The following ARPP21 variants were observed in gnomAD, a reference collection of about 807,000 sequenced individuals.
ARPP21 encodes the protein cAMP regulated phosphoprotein 21, also known as cAMP-regulated phosphoprotein 21.
Under a neutral mutation model 113.2 loss-of-function variants are expected in ARPP21, and 69 were observed. That is an observed-to-expected ratio of 0.61 (90% confidence interval 0.50 to 0.74). ARPP21 has a LOEUF of 0.74. ARPP21 is among the 30% of genes least tolerant of loss of function. ARPP21 has a pLI of 0.00. For missense variants in ARPP21, 1,070 were observed against 1,037.4 expected (o/e 1.03, Z -0.43); for synonymous variants, 368 against 375.5 (o/e 0.98, Z 0.23).
chr3:35,767,134 G>A (rs2096009307), intron 19 of ARPP21, among the ~76,000 whole-genome samples: 1 of 152,056 alleles, frequency 6.6e-6, no homozygotes, highest in African/African-American at 2.4e-5. Context: ...TTAACATATT[G>A]TCCACCTCTA....
intron 9 of ARPP21, among the ~76,000 whole-genome samples, chr3:35,705,676 G>T (rs2088639847): frequency 6.6e-6 from 1 of 151,970 alleles, no homozygotes; most frequent in African/African-American, 2.4e-5. Context: ...AAGCATGGAG[G>T]GATGGTTTCC....
intron 19 of ARPP21, among the ~76,000 whole-genome samples, chr3:35,782,785 G>A (rs1353098489): frequency 1.3e-5 from 2 of 152,064 alleles, no homozygotes; most frequent in Non-Finnish European, 2.9e-5. Flanking sequence ...TGTTAAAACA[G>A]CAAGAAAAAC....
In ARPP21 at chr3:35,771,484, A is replaced by C. The variant is rs183309807; in HGVS notation, c.2138-20898A>C. Among the ~76,000 whole-genome samples the C allele has an allele frequency of 3.3e-5, 5 of 152,104 alleles. No individual in the cohort carries two copies. In the East Asian group the frequency reaches 9.7e-4, roughly 29 times the overall value. On this transcript the variant is annotated intron_variant, in intron 19 of 20. Coordinates refer to ENST00000684406, the MANE Select transcript of ARPP21 (RefSeq NM_001385562.1). ...GCTGGGACTACAGGCGCCCATCATC[A>C]TGCCTGGCTAATTTTTGTATTTTTA...
chr3:35,668,020 G>GA (rs1559550429), intron 1 of ARPP21, among the ~76,000 whole-genome samples: 1 of 149,120 alleles, frequency 6.7e-6, no homozygotes, highest in East Asian at 2.0e-4. Context: ...AGAAGAAGAA[G>GA]AAGAAGAAGA....
intron 14 of ARPP21, among the ~76,000 whole-genome samples, chr3:35,727,537 G>T (rs920825004): frequency 6.6e-6 from 1 of 152,076 alleles, no homozygotes; most frequent in Non-Finnish European, 1.5e-5. Flanking sequence ...TATTTTAAAA[G>T]AACTCCAGTT....
At chr3:35,692,994 G>T (rs900879456) in intron 9 of ARPP21, among the ~76,000 whole-genome samples, 1 of 151,442 alleles carries the variant, frequency 6.6e-6, no homozygotes, top group Admixed American at 6.6e-5. Flanking sequence ...TTTATTTTCT[G>T]GCTAGTAGGT....
chr3:35,789,687 A>G lies in ARPP21; in HGVS notation c.2138-2695A>G, dbSNP rs191253213. On this transcript the variant is annotated intron_variant, in intron 19 of 20. Coordinates refer to ENST00000684406, the MANE Select transcript of ARPP21 (RefSeq NM_001385562.1). ...GGAGAAGGAGATGCTGTGGCAGGGC[A>G]GCTGCATCTGGGCTGGCAGCAAAGA... Among the ~76,000 whole-genome samples, 313 of 152,340 alleles carry G rather than the reference A, an allele frequency of 2.1e-3. 1 individual carries two copies. Among genetic ancestry groups the G allele is most frequent in the African/African-American group, 7.2e-3 (298 of 41,578 alleles).
At chr3:35,735,224 C>T (rs1249709937) in intron 15 of ARPP21, among the ~76,000 whole-genome samples, 1 of 152,030 alleles carries the variant, frequency 6.6e-6, no homozygotes, top group African/African-American at 2.4e-5. Flanking sequence ...ATCCAGTGAT[C>T]CTCCCACCTC....
intron 19 of ARPP21, among the ~76,000 whole-genome samples, chr3:35,770,402 A>G (rs1223201438): frequency 6.6e-6 from 1 of 152,216 alleles, no homozygotes; most frequent in Non-Finnish European, 1.5e-5. Context: ...TGATGCTTTC[A>G]TAGCTCAGGC....
chr3:35,708,987 T>C lies in ARPP21; in HGVS notation c.814T>C (p.Phe272Leu), dbSNP rs781314259. 1.9e-6 allele frequency: 3 copies of C among 1,613,458 alleles called. No homozygotes were observed. The East Asian group carries it at 6.7e-5, about 36-fold the overall frequency. ...TGTTCAGCAAAACAGAATGCATCCA[T>C]TTAGAGATGACAGACGAAGTAAATC... ...EDNQQNRMHPFRDDRRSKSIE... is the reference protein window; with the variant it reads ...EDNQQNRMHPLRDDRRSKSIE... The change falls in exon 11 of 21, where the codon TTT becomes CTT. Residue 272 changes from phenylalanine (F) to leucine (L), a missense_variant. Transcript: ENST00000684406.
In ARPP21 at chr3:35,715,475, A is replaced by G; in HGVS notation, c.934A>G (p.Ser312Gly). 2 of 1,611,780 alleles carry G rather than the reference A, an allele frequency of 1.2e-6. No individual in the cohort carries two copies. Among genetic ancestry groups the G allele is most frequent in the African/African-American group, 1.3e-5 (1 of 74,966 alleles). ...CSQESLFVEN[S>G]RLLEDSNICN... ...CCAGGAAAGCCTTTTTGTGGAAAAC[A>G]GGTAAAATAAAATTTACTTTTCCAT... Residue 312 changes from serine to glycine, a missense_variant and splice_region_variant, in exon 12 of 21, where the codon AGT (serine) becomes GGT (glycine). Ser to Gly is a moderately conservative substitution (Grantham distance 56). Coordinates refer to ENST00000684406, the MANE Select transcript of ARPP21 (RefSeq NM_001385562.1).
chr3:35,699,614 C>T (rs946025155), intron 9 of ARPP21, among the ~76,000 whole-genome samples: 1 of 151,592 alleles, frequency 6.6e-6, no homozygotes, highest in Non-Finnish European at 1.5e-5. Flanking sequence ...CTTTAACTTC[C>T]CAATCTTCAC....
Position 35,750,133 on chromosome 3 carries a change from G to A in ARPP21, c.2137+6168G>A, listed in dbSNP as rs114744505. Among the ~76,000 whole-genome samples, 778 of 120,224 alleles carry A rather than the reference G, an allele frequency of 6.5e-3. 8 individuals are homozygous for A. The highest frequency in any genetic ancestry group is 0.025 in the African/African-American group (752 of 29,830). The allele number at this position is 120,224 out of a possible 152,430, so 78.9% of individuals were successfully genotyped here. A position where few individuals can be genotyped will look rare whatever the true frequency, so the allele number is the denominator to read the frequency against. On this transcript the variant is annotated intron_variant, in intron 19 of 20. Transcript: ENST00000684406. Reference sequence around the variant, plus strand: ...TATTTCGCTTTTTTTTTTTTTTTTGGTGGTTTCTTGAGATAAGAAGTTAGA... The same window carrying A: ...TATTTCGCTTTTTTTTTTTTTTTTGATGGTTTCTTGAGATAAGAAGTTAGA...
At chr3:35,770,471 A>G (rs932183634) in intron 19 of ARPP21, among the ~76,000 whole-genome samples, 2 of 152,234 alleles carry the variant, frequency 1.3e-5, no homozygotes, top group Admixed American at 1.3e-4. Context: ...TGAGCATTCT[A>G]GAATAGCATA....
chr3:35,764,414 CA>C (rs1408042622), intron 19 of ARPP21, among the ~76,000 whole-genome samples: 9 of 152,136 alleles, frequency 5.9e-5, no homozygotes, highest in African/African-American at 1.7e-4. Context: ...AAGTGTGTGG[CA>C]AAAGATTTTA....
At chr3:35,758,282 T>G (rs938783504) in intron 19 of ARPP21, among the ~76,000 whole-genome samples, 1 of 151,780 alleles carries the variant, frequency 6.6e-6, no homozygotes, top group East Asian at 1.9e-4. Context: ...AGCATATACT[T>G]GGGGGGCGGG....
intron 14 of ARPP21, among the ~76,000 whole-genome samples, chr3:35,725,739 T>C (rs1009978239): frequency 8.5e-5 from 13 of 152,228 alleles, no homozygotes; most frequent in African/African-American, 2.7e-4. Context: ...TGCTTTTCTC[T>C]TGAGGGTTCA....
intron 11 of ARPP21, among the ~76,000 whole-genome samples, chr3:35,710,070 C>T (rs1490730082): frequency 6.6e-6 from 1 of 152,184 alleles, no homozygotes; most frequent in African/African-American, 2.4e-5. Context: ...AGGGGAGATT[C>T]AACCTCCTCC....
rs1458239583 is a variant in ARPP21, at chr3:35,740,966, G to T, written c.2010+1389G>T. Among the ~76,000 whole-genome samples the T allele has an allele frequency of 5.3e-5, 8 of 152,074 alleles. No homozygotes were observed. The South Asian group carries it at 1.7e-3, about 32-fold the overall frequency. Reference sequence around the variant, plus strand: ...TTAAAAAAAAAAATAGCTGGGTGTGGTGGCACATTCTTGTGGTCCTACCTA... The same window carrying T: ...TTAAAAAAAAAAATAGCTGGGTGTGTTGGCACATTCTTGTGGTCCTACCTA... On this transcript the variant is annotated intron_variant, in intron 18 of 20. Transcript: ENST00000684406.
Sources: allele counts gnomAD v4.1 joint callset (sites outside exome capture counted in the v4.1 genomes callset), GRCh38; gene constraint gnomAD v4.1.1; transcripts MANE v1.5; gene names NCBI Gene and HGNC (gene_info 2026-07-23, HGNC 2026-07-21).